Variants in FOXP2 observed in about 807,000 individuals in gnomAD.
FOXP2 encodes the protein forkhead box protein P2.
A neutral mutation model predicts 115.8 loss-of-function variants in FOXP2; 12 were observed. That is an observed-to-expected ratio of 0.10 (90% CI 0.07 to 0.17). The LOEUF is 0.17. FOXP2 is among the 10% of genes least tolerant of loss of function. FOXP2 has a pLI of 1.00. For synonymous variants in FOXP2, 328 were observed against 297.7 expected (o/e 1.10, Z -1.05); for missense variants, 629 against 843.5 (o/e 0.75, Z 3.15).
chr7:114,524,548 A>T, intron 2 of FOXP2, among the ~76,000 whole-genome samples: 1 of 152,098 alleles, frequency 6.6e-6, no homozygotes, highest in East Asian at 1.9e-4. Context: ...ATGCCACTCC[A>T]AGGCTCTGGT....
chr7:114,568,734 A>G (rs1227852706), intron 3 of FOXP2, among the ~76,000 whole-genome samples: 1 of 151,786 alleles, frequency 6.6e-6, no homozygotes, highest in Non-Finnish European at 1.5e-5. Context: ...CATTTAAGGG[A>G]TGTTTATGTT....
intron 3 of FOXP2, among the ~76,000 whole-genome samples, chr7:114,536,063 A>G (rs1393035546): frequency 6.6e-6 from 1 of 151,536 alleles, no homozygotes; most frequent in Non-Finnish European, 1.5e-5. Context: ...ATGCATTTAC[A>G]TGACAGAGAA....
At chr7:114,614,462 A>G (rs912197162) in intron 3 of FOXP2, among the ~76,000 whole-genome samples, 1 of 152,130 alleles carries the variant, frequency 6.6e-6, no homozygotes, top group Non-Finnish European at 1.5e-5. Flanking sequence ...TTTGCCATTT[A>G]CTTTTAACTT....
chr7:114,160,517 A>G (rs1273071667), upstream of FOXP2, among the ~76,000 whole-genome samples: 3 of 152,172 alleles, frequency 2.0e-5, no homozygotes, highest in East Asian at 5.8e-4. Context: ...TGCCCACTAT[A>G]TACCAAGCTC....
At chr7:114,097,346 C>G (rs965396479) in intron 1 of FOXP2, among the ~76,000 whole-genome samples, 1 of 152,082 alleles carries the variant, frequency 6.6e-6, no homozygotes, top group South Asian at 2.1e-4. Flanking sequence ...TCTATAGTTT[C>G]GTCTTTTCAA....
intron 1 of FOXP2, among the ~76,000 whole-genome samples, chr7:114,190,933 A>G (rs1363079953): frequency 6.6e-6 from 1 of 152,192 alleles, no homozygotes; most frequent in Admixed American, 6.5e-5. Flanking sequence ...GCAGGAAGGT[A>G]TAATTCCTTC....
chr7:114,556,080 A>G (rs763817598), intron 3 of FOXP2, among the ~76,000 whole-genome samples: 3 of 152,182 alleles, frequency 2.0e-5, no homozygotes, highest in Non-Finnish European at 4.4e-5. Flanking sequence ...GTGATGGACT[A>G]CTACTACTGG....
chr7:114,659,273 C>T (rs1184816870), intron 11 of FOXP2, 83 bp from the exon 12 acceptor site: 2 of 1,008,618 alleles, frequency 2.0e-6, no homozygotes, highest in Non-Finnish European at 3.1e-6. Context: ...AATCACTTTA[C>T]CAATACTAGA....
At chr7:114,538,252 A>G in intron 3 of FOXP2, 1 of 1,065,548 alleles carries the variant, frequency 9.4e-7, no homozygotes, top group South Asian at 1.3e-5. Context: ...TCAATTTTCT[A>G]GCCTATGACA....
chr7:114,420,578 T>A (rs1793574061), intron 1 of FOXP2, among the ~76,000 whole-genome samples: 1 of 151,908 alleles, frequency 6.6e-6, no homozygotes, highest in African/African-American at 2.4e-5. Context: ...CTAGGTAACA[T>A]TCTTTAGTTT....
intron 1 of FOXP2, among the ~76,000 whole-genome samples, chr7:114,227,260 G>T (rs763545477): frequency 6.6e-6 from 1 of 151,936 alleles, no homozygotes; most frequent in African/African-American, 2.4e-5. Context: ...AAGAGTTTGT[G>T]GCCTGACTTT....
intron 1 of FOXP2, among the ~76,000 whole-genome samples, chr7:114,421,985 G>T (rs944417982): frequency 6.6e-6 from 1 of 151,458 alleles, no homozygotes; most frequent in Non-Finnish European, 1.5e-5. Flanking sequence ...AAACGTATGA[G>T]GTTTCTTGTT....
At chr7:114,480,240 A>G (rs1796464579) in intron 2 of FOXP2, among the ~76,000 whole-genome samples, 1 of 151,398 alleles carries the variant, frequency 6.6e-6, no homozygotes, top group Non-Finnish European at 1.5e-5. Flanking sequence ...AAGGGTAATT[A>G]ATTTTTCTTC....
At chr7:114,271,309 TA>T (rs1025706264) in intron 1 of FOXP2, among the ~76,000 whole-genome samples, 3 of 150,706 alleles carry the variant, frequency 2.0e-5, no homozygotes, top group Non-Finnish European at 4.4e-5. Flanking sequence ...GAACTTCCAA[TA>T]AACTGTTGAG....
intron 2 of FOXP2, among the ~76,000 whole-genome samples, chr7:114,380,346 C>G (rs574994505): frequency 6.6e-6 from 1 of 152,210 alleles, no homozygotes; most frequent in South Asian, 2.1e-4. Flanking sequence ...TTCTAGTGCC[C>G]GAGTGAGGGC....
chr7:114,207,937 G>A (rs1184048861), intron 1 of FOXP2, among the ~76,000 whole-genome samples: 6 of 152,204 alleles, frequency 3.9e-5, no homozygotes, highest in Non-Finnish European at 8.8e-5. Flanking sequence ...AAGGCAGGCG[G>A]GCTGCTTGAT....
intron 1 of FOXP2, among the ~76,000 whole-genome samples, chr7:114,115,931 C>G (rs2129142884): frequency 6.6e-6 from 1 of 152,178 alleles, no homozygotes; most frequent in African/African-American, 2.4e-5. Flanking sequence ...ATTCACTTAT[C>G]TCTGCTTTTT....
In FOXP2 at chr7:114,321,347, C is replaced by T. The variant is rs184835151; in HGVS notation, c.-11+33238C>T. 5.6e-3 allele frequency among the ~76,000 whole-genome samples: 848 copies of T among 151,870 alleles called. 5 individuals carry two copies. Among genetic ancestry groups the T allele is most frequent in the African/African-American group, 0.019 (794 of 41,376 alleles). On this transcript the variant is annotated intron_variant, in intron 2 of 17. Transcript: ENST00000634411. ...TCGAGTAGCTGGGACTACAAGTGCC[C>T]GCCACCACGCCCGGCTAATTTTTTG...
At chr7:114,346,756 A>T (rs553160125) in intron 2 of FOXP2, among the ~76,000 whole-genome samples, 47 of 151,882 alleles carry the variant, frequency 3.1e-4, no homozygotes, top group Admixed American at 1.2e-3. Flanking sequence ...AGAAGCAGAG[A>T]CTAGAACAAA....
Sources: gnomAD v4.1 joint callset for allele counts (sites outside exome capture counted in the v4.1 genomes callset) on GRCh38, gnomAD v4.1.1 for gene constraint, MANE v1.5 for transcripts, NCBI Gene and HGNC (gene_info 2026-07-23, HGNC 2026-07-21) for gene names.